Variants in NDST4 observed in about 807,000 individuals in gnomAD.
The protein encoded by NDST4 is N-deacetylase and N-sulfotransferase 4, also known as N-heparan sulfate sulfotransferase 4.
In NDST4, 63 loss-of-function variants were observed where a neutral mutation model predicts 100.8. That is an observed-to-expected ratio of 0.62 (90% CI 0.51 to 0.77). The LOEUF (loss-of-function observed/expected upper bound fraction) is 0.77, where lower values mean the gene tolerates loss of function less well. Ranked by LOEUF, NDST4 falls within the 30% of genes least tolerant of loss-of-function variation. The probability of loss-of-function intolerance (pLI) is 0.00; values close to 1 mark genes in which losing one functional copy is unlikely to be tolerated. For synonymous variants in NDST4, 377 were observed against 361.8 expected (o/e 1.04, Z -0.48); for missense variants, 943 against 1,018.4 (o/e 0.93, Z 1.01).
At chr4:114,854,659 G>T (rs908695848) in intron 7 of NDST4, among the ~76,000 whole-genome samples, 2 of 152,012 alleles carry the variant, frequency 1.3e-5, no homozygotes, top group African/African-American at 4.8e-5. Context: ...TAGTAAAGAC[G>T]GGGTTTCACT....
chr4:114,964,034 T>A (rs1447651287), intron 4 of NDST4, among the ~76,000 whole-genome samples: 4 of 152,160 alleles, frequency 2.6e-5, no homozygotes, highest in Non-Finnish European at 4.4e-5. Context: ...AGTGAAGAGG[T>A]ATTGCTTCTG....
chr4:114,921,145 T>C (rs1725277991), intron 6 of NDST4, among the ~76,000 whole-genome samples: 1 of 152,088 alleles, frequency 6.6e-6, no homozygotes, highest in African/African-American at 2.4e-5. Context: ...CCATCAACAC[T>C]AGCAACTGAA....
rs180737131 is a variant in NDST4, at chr4:115,045,352, C to T, written c.978+30707G>A. ...AAAGAAAAACAAAACCAGACAAAAA[C>T]CTCACTAGCTAATTTAAGTGATCTT... On this transcript the variant is annotated intron_variant, in intron 2 of 13. Transcript: ENST00000264363. 3.0e-4 allele frequency among the ~76,000 whole-genome samples: 45 copies of T among 152,270 alleles called. 1 individual carries two copies. The Middle Eastern group carries it at 0.014, about 46-fold the overall frequency.
chr4:114,907,763 C>T (rs1019819869), intron 6 of NDST4, among the ~76,000 whole-genome samples: 2 of 151,496 alleles, frequency 1.3e-5, no homozygotes, highest in Non-Finnish European at 2.9e-5. Context: ...GGAGGTTGTA[C>T]TTGAAATGAG....
chr4:115,019,129 C>A (rs1406999119), intron 2 of NDST4, among the ~76,000 whole-genome samples: 2 of 152,054 alleles, frequency 1.3e-5, no homozygotes, highest in African/African-American at 2.4e-5. Flanking sequence ...TTTTATTTAA[C>A]TAATATAATA....
rs59806494 is a variant in NDST4, at chr4:114,986,793, C to CATATATATAT, written c.979-9529_979-9520dup. ...CCTCTAAGCCTGGTATCCAATTATACATATATATATATATATATATATATA... is the reference window on the plus strand; with the variant it reads ...CCTCTAAGCCTGGTATCCAATTATACATATATATATATATATATATATATATATATATATA... On this transcript the variant is annotated intron_variant, in intron 2 of 13. Transcript: ENST00000264363. 2.1e-3 allele frequency among the ~76,000 whole-genome samples: 190 copies of CATATATATAT among 91,060 alleles called. 4 individuals carry two copies. Among genetic ancestry groups the CATATATATAT allele is most frequent in the South Asian group, 4.4e-3 (7 of 1,600 alleles). The allele number at this position is 91,060 out of a possible 152,430, so 59.7% of individuals were successfully genotyped here.
chr4:114,981,989 G>A (rs1414754122), intron 2 of NDST4, among the ~76,000 whole-genome samples: 1 of 152,028 alleles, frequency 6.6e-6, no homozygotes, highest in African/African-American at 2.4e-5. Context: ...GAGTTCTCAC[G>A]AGATCTGGTT....
Position 114,994,424 on chromosome 4 carries a change from C to A in NDST4, c.979-17150G>T, listed in dbSNP as rs189112174. Among the ~76,000 whole-genome samples, 368 of 151,944 alleles carry A rather than the reference C, an allele frequency of 2.4e-3. 3 individuals carry two copies. The highest frequency in any genetic ancestry group is 8.6e-3 in the African/African-American group (355 of 41,498). ...ATCTCCTTGCTTTTTTTCTGTCTTT[C>A]TTTGTACCATGATGCATCCCATGAG... On this transcript the variant is annotated intron_variant, in intron 2 of 13. Coordinates refer to ENST00000264363, the MANE Select transcript of NDST4 (RefSeq NM_022569.3).
intron 2 of NDST4, among the ~76,000 whole-genome samples, chr4:115,056,415 T>C (rs1380677305): frequency 1.3e-5 from 2 of 152,158 alleles, no homozygotes; most frequent in Non-Finnish European, 2.9e-5. Flanking sequence ...CTTGTAATCA[T>C]GTAAGAGTGA....
intron 1 of NDST4, among the ~76,000 whole-genome samples, chr4:115,097,119 T>C (rs1329827393): frequency 1.3e-5 from 2 of 152,098 alleles, no homozygotes; most frequent in Non-Finnish European, 2.9e-5. Context: ...CCAGGGCCTA[T>C]TCTTTACTCT....
intron 2 of NDST4, among the ~76,000 whole-genome samples, chr4:114,990,821 CATT>C (rs567641768): frequency 1.5e-3 from 225 of 152,198 alleles, no homozygotes; most frequent in African/African-American, 5.1e-3. Flanking sequence ...CCCCAGACAT[CATT>C]GACAGTAAAC....
At chr4:115,036,457 TAAC>T (rs2126272135) in intron 2 of NDST4, among the ~76,000 whole-genome samples, 1 of 151,606 alleles carries the variant, frequency 6.6e-6, no homozygotes, top group South Asian at 2.1e-4. Flanking sequence ...ACATTATAAA[TAAC>T]AAGGAAAACT....
At position 114,931,809 on chromosome 4, in the gene NDST4, T is replaced by G. The variant is rs1725521985; in HGVS notation, c.1536+3397A>C. On this transcript the variant is annotated intron_variant, in intron 6 of 13. Transcript: ENST00000264363. ...TTGAGTCATGAAGAAATAGGAAATC[T>G]GAACAGACCAATAACGAGTAAAGAG... is the stretch of plus-strand genomic sequence containing the variant. 2.0e-5 allele frequency among the ~76,000 whole-genome samples: 3 copies of G among 151,802 alleles called. No homozygotes were observed. In the South Asian group the frequency reaches 6.2e-4, roughly 31 times the overall value.
At chr4:115,025,150 C>T (rs977703310) in intron 2 of NDST4, among the ~76,000 whole-genome samples, 3 of 152,130 alleles carry the variant, frequency 2.0e-5, no homozygotes, top group Non-Finnish European at 4.4e-5. Flanking sequence ...AAGACAGACC[C>T]CACAAATCTC....
At chr4:115,034,403 A>G (rs550976010) in intron 2 of NDST4, among the ~76,000 whole-genome samples, 2 of 152,124 alleles carry the variant, frequency 1.3e-5, no homozygotes, top group Admixed American at 6.6e-5. Flanking sequence ...TGTGTGTTTG[A>G]CTATCCTCAC....
chr4:114,859,991 A>G (rs1353910567), intron 7 of NDST4, among the ~76,000 whole-genome samples: 1 of 152,174 alleles, frequency 6.6e-6, no homozygotes, highest in Non-Finnish European at 1.5e-5. Flanking sequence ...TCTTGACTCA[A>G]ATACATTTCT....
At chr4:114,974,943 A>T (rs1046878563) in intron 3 of NDST4, among the ~76,000 whole-genome samples, 30 of 152,154 alleles carry the variant, frequency 2.0e-4, no homozygotes, top group African/African-American at 7.2e-4. Context: ...GGGAAATCAG[A>T]TCATTCTGGG....
Position 115,009,052 on chromosome 4 carries a change from A to G in NDST4, c.979-31778T>C, listed in dbSNP as rs1222548113. 2.4e-5 allele frequency among the ~76,000 whole-genome samples: 3 copies of G among 126,382 alleles called. 1 individual carries two copies. Among genetic ancestry groups the G allele is most frequent in the Non-Finnish European group, 5.1e-5 (3 of 59,138 alleles). The allele number at this position is 126,382 out of a possible 152,430, so 82.9% of individuals were successfully genotyped here. On this transcript the variant is annotated intron_variant, in intron 2 of 13. Coordinates refer to ENST00000264363, the MANE Select transcript of NDST4 (RefSeq NM_022569.3). Reference sequence around the variant, plus strand: ...ATAAAAGAGGATACAAAGAAATGGAAGAACATTCCATGCTCATGGGTAGGA... The same window carrying G: ...ATAAAAGAGGATACAAAGAAATGGAGGAACATTCCATGCTCATGGGTAGGA...
intron 4 of NDST4, among the ~76,000 whole-genome samples, chr4:114,965,874 T>C (rs1314433619): frequency 6.6e-6 from 1 of 151,966 alleles, no homozygotes; most frequent in Non-Finnish European, 1.5e-5. Flanking sequence ...TGGGAATAAG[T>C]TTTGGTAATT....
Sources: allele counts gnomAD v4.1 joint callset (sites outside exome capture counted in the v4.1 genomes callset), GRCh38; gene constraint gnomAD v4.1.1; transcripts MANE v1.5; gene names NCBI Gene and HGNC (gene_info 2026-07-23, HGNC 2026-07-21).